The following VPS33B variants were observed in gnomAD, a reference collection of about 807,000 sequenced individuals.
VPS33B encodes VPS33B late endosome and lysosome associated.
A neutral mutation model predicts 95.3 loss-of-function variants in VPS33B; 80 were observed. That is an observed-to-expected ratio of 0.84 (90% confidence interval 0.70 to 1.01). The LOEUF (loss-of-function observed/expected upper bound fraction) is 1.01, where lower values mean the gene tolerates loss of function less well. VPS33B is among the 50% of genes least tolerant of loss of function. The pLI is 0.00. For synonymous variants in VPS33B, 280 were observed against 280.4 expected, an observed-to-expected ratio of 1.00 and a Z score of 0.01; for missense variants, 715 against 773.4, an observed-to-expected ratio of 0.92 and a Z score of 0.90.
Position 91,014,448 on chromosome 15 carries a change from G to GA in VPS33B, c.240-16dup, listed in dbSNP as rs574123922. ...AGAAGCACAATCTATGAGAGAGAAA[G>GA]AAAAAAAAACAGTGAAGAAGAATTA... On this transcript the variant is annotated splice_polypyrimidine_tract_variant and intron_variant, in intron 3 of 22. Transcript: ENST00000333371. 9.5e-4 allele frequency: 1,458 copies of GA among 1,532,324 alleles called. No homozygotes were observed. Among genetic ancestry groups the GA allele is most frequent in the African/African-American group, 1.1e-3 (75 of 71,104 alleles). 94.9% of individuals were successfully genotyped at this position (1,532,324 alleles called of 1,614,324 possible).
Position 90,999,549 on chromosome 15 carries a change from C to A in VPS33B, c.1774+128G>T. 1.0e-6 allele frequency: 1 copy of A among 958,988 alleles called. No homozygotes were observed. The highest frequency in any genetic ancestry group is 1.7e-6 in the Non-Finnish European group (1 of 597,196). 59.4% of individuals were successfully genotyped at this position (958,988 alleles called of 1,614,324 possible). A position where few individuals can be genotyped will look rare whatever the true frequency, so the allele number is the denominator to read the frequency against. ...GGTCAGGCTAGGCTCTAACTCCTGA[C>A]CTCAGGTGATCTGCCCGCCTCCGCC... On this transcript the variant is annotated intron_variant, in intron 22 of 22. Transcript: ENST00000333371. This position sits in a 1 kb window ranked among gnomAD's most constrained non-coding sequence, Gnocchi z 5.1.
At chr15:91,012,413 A>G (rs2040808474) in intron 5 of VPS33B, among the ~76,000 whole-genome samples, 3 of 152,292 alleles carry the variant, frequency 2.0e-5, no homozygotes, top group African/African-American at 7.2e-5. Flanking sequence ...GATAAGTACT[A>G]TTATCAACTC....
Position 91,005,191 on chromosome 15 carries a change from TG to T in VPS33B, c.1106-73del. On this transcript the variant is annotated intron_variant, in intron 14 of 22. Transcript: ENST00000333371. The surrounding 1 kb of genome is among the most constrained non-coding windows in gnomAD (Gnocchi z 6.4). ...GCTGCCATCTATGCTAACAGGTGTC[TG>T]TCTCCCCATCTCTTTCTCCATCCTT... 1 of 1,613,490 alleles carries T rather than the reference TG, an allele frequency of 6.2e-7. No homozygotes were observed.
In VPS33B at chr15:91,007,859, T is replaced by A; in HGVS notation, c.498+11A>T. 6.2e-7 allele frequency: 1 copy of A among 1,613,602 alleles called. No individual in the cohort carries two copies. The highest frequency in any genetic ancestry group is 8.5e-7 in the Non-Finnish European group (1 of 1,179,518). Reference sequence around the variant, plus strand: ...CCCCTGATGCCAAGACACAAGGGCCTCTGCATTTACCAGAAAGTAATCCCT... The same window carrying A: ...CCCCTGATGCCAAGACACAAGGGCCACTGCATTTACCAGAAAGTAATCCCT... On this transcript the variant is annotated intron_variant, in intron 7 of 22. Transcript: ENST00000333371. This position sits in a 1 kb window ranked among gnomAD's most constrained non-coding sequence, Gnocchi z 5.3.
chr15:91,001,575 A>C (rs1457087495), intron 18 of VPS33B, 113 bp from the exon 19 acceptor site: 3 of 887,190 alleles, frequency 3.4e-6, no homozygotes, highest in Non-Finnish European at 3.8e-6. Context: ...AACTCTCGGA[A>C]GCTGTTCAAC....
At position 91,006,342 on chromosome 15, in the gene VPS33B, T is replaced by C; in HGVS notation, c.852+30A>G. ...GCCTGGTATAAGCAGTGGCCCTAGG[T>C]GGGCCCATTGCTAGCACCCACACCC... On this transcript the variant is annotated intron_variant, in intron 11 of 22. Coordinates refer to ENST00000333371, the MANE Select transcript of VPS33B (RefSeq NM_018668.5). This position sits in a 1 kb window ranked among gnomAD's most constrained non-coding sequence, Gnocchi z 5.4. 2 of 1,613,308 alleles carry C rather than the reference T, an allele frequency of 1.2e-6. No homozygotes were observed. The highest frequency in any genetic ancestry group is 1.7e-6 in the Non-Finnish European group (2 of 1,179,602).
At chr15:91,001,554 T>C (rs2151664559) in intron 18 of VPS33B, 92 bp from the exon 19 acceptor site, 1 of 1,063,480 alleles carries the variant, frequency 9.4e-7, no homozygotes, top group Middle Eastern at 2.0e-4. Context: ...ACAGCACCAA[T>C]CACATCCAAA....
Position 91,005,339 on chromosome 15 carries a change from T to C in VPS33B, c.1105+41A>G, listed in dbSNP as rs1247969106. 1.9e-6 allele frequency: 3 copies of C among 1,613,910 alleles called. No individual in the cohort carries two copies. The highest frequency in any genetic ancestry group is 3.3e-5 in the Admixed American group (2 of 59,992). On this transcript the variant is annotated intron_variant, in intron 14 of 22. Coordinates refer to ENST00000333371, the MANE Select transcript of VPS33B (RefSeq NM_018668.5). This position sits in a 1 kb window ranked among gnomAD's most constrained non-coding sequence, Gnocchi z 6.4. The stretch of plus-strand genomic sequence containing the variant: ...GGGACGGGGCTGGGAGCTGGGGAAG[T>C]AGAAGCGTGGGCAGTAGCACAGCAA...
At chr15:91,003,458 G>T (rs1359443082) in intron 16 of VPS33B, among the ~76,000 whole-genome samples, 1 of 151,632 alleles carries the variant, frequency 6.6e-6, no homozygotes, top group Non-Finnish European at 1.5e-5. Flanking sequence ...TATTTATTTA[G>T]AGATGGAGTC....
In VPS33B at chr15:91,007,420, AC is replaced by A. The variant is rs1192265772; in HGVS notation, c.603+48del. 1.3e-6 allele frequency: 2 copies of A among 1,569,520 alleles called. No individual in the cohort carries two copies. The highest frequency in any genetic ancestry group is 2.7e-5 in the African/African-American group (2 of 73,956). ...TTGGATAACCCCAGGAGGGTACAGA[AC>A]AGGGAAAACAGCGTCTGCTGGGACA... On this transcript the variant is annotated intron_variant, in intron 8 of 22. Coordinates refer to ENST00000333371, the MANE Select transcript of VPS33B (RefSeq NM_018668.5). The surrounding 1 kb of genome is among the most constrained non-coding windows in gnomAD (Gnocchi z 5.3).
Position 91,002,797 on chromosome 15 carries a change from G to A in VPS33B, c.1272+288C>T, listed in dbSNP as rs2040481562. On this transcript the variant is annotated intron_variant, in intron 17 of 22. Transcript: ENST00000333371. This position sits in a 1 kb window ranked among gnomAD's most constrained non-coding sequence, Gnocchi z 4.7. ...AAGCTGAATCAATGCCTCACACGGT[G>A]CTAAAATGAGGGAGACTCCCAGGAG... Among the ~76,000 whole-genome samples the A allele has an allele frequency of 6.6e-6, 1 of 152,086 alleles. No homozygotes were observed. Among genetic ancestry groups the A allele is most frequent in the African/African-American group, 2.4e-5 (1 of 41,412 alleles).
intron 16 of VPS33B, among the ~76,000 whole-genome samples, chr15:91,004,073 A>C (rs894500102): frequency 6.6e-6 from 1 of 151,980 alleles, no homozygotes; most frequent in Non-Finnish European, 1.5e-5. Context: ...AAAATACAAA[A>C]ATTAGCTGGG....
At chr15:91,020,630 C>T (rs148744549) in intron 1 of VPS33B, among the ~76,000 whole-genome samples, 5 of 152,286 alleles carry the variant, frequency 3.3e-5, no homozygotes, top group African/African-American at 1.2e-4. Context: ...CCTATAATCC[C>T]AGCACTTTGG....
chr15:91,022,576 C>A lies in VPS33B; in HGVS notation c.-327G>T. 4 of 215,716 alleles carry A rather than the reference C, an allele frequency of 1.9e-5. No individual in the cohort carries two copies. Among genetic ancestry groups the A allele is most frequent in the East Asian group, 9.1e-5 (1 of 10,958 alleles). 13.4% of individuals were successfully genotyped at this position (215,716 alleles called of 1,614,324 possible). A position where few individuals can be genotyped will look rare whatever the true frequency, so the allele number is the denominator to read the frequency against. On this transcript the variant is annotated 5_prime_UTR_variant, in exon 1 of 23. Transcript: ENST00000333371. ...GTACGAGGAGAACCCCGCCTTCTAC[C>A]AGAAAAAGAAGCGACTTCCTAGATC...
rs2040737209 is a variant in VPS33B, at chr15:91,009,985, C to A, written c.358-139G>T. On this transcript the variant is annotated intron_variant, in intron 5 of 22. Transcript: ENST00000333371. This position sits in a 1 kb window ranked among gnomAD's most constrained non-coding sequence, Gnocchi z 4.1. ...ACAAGAGAACCCAGACTCTTAAGAT[C>A]TAGAAAGAACCATTAGAATCATTCA... 3 of 895,368 alleles carry A rather than the reference C, an allele frequency of 3.4e-6. No homozygotes were observed. The highest frequency in any genetic ancestry group is 5.5e-6 in the Non-Finnish European group (3 of 550,268). The allele number at this position is 895,368 out of a possible 1,614,324, so 55.5% of individuals were successfully genotyped here.
intron 1 of VPS33B, among the ~76,000 whole-genome samples, chr15:91,019,848 C>T (rs1342270349): frequency 1.3e-5 from 2 of 151,920 alleles, no homozygotes; most frequent in African/African-American, 2.4e-5. Context: ...TTTTGTTGCC[C>T]AGGCTGGAGT....
At position 91,017,774 on chromosome 15, in the gene VPS33B, G is replaced by A. The variant is rs750150299; in HGVS notation, c.177+31C>T. 6 of 1,607,282 alleles carry A rather than the reference G, an allele frequency of 3.7e-6. No individual in the cohort carries two copies. The African/African-American group carries it at 6.7e-5, about 18-fold the overall frequency. On this transcript the variant is annotated intron_variant, in intron 2 of 22. Transcript: ENST00000333371. ...ATCAAAAGAAAAACTGCTTAAAGAGGGGCATGGCCCCCAGGGGAAAGGGAC... is the reference window on the plus strand; with the variant it reads ...ATCAAAAGAAAAACTGCTTAAAGAGAGGCATGGCCCCCAGGGGAAAGGGAC...
At chr15:91,001,978 T>G in intron 18 of VPS33B, 72 bp downstream of exon 18, 2 of 1,610,006 alleles carry the variant, frequency 1.2e-6, no homozygotes, top group Non-Finnish European at 1.7e-6. Flanking sequence ...ATTCTGTCCC[T>G]CCCAGCATGC....
At position 91,006,145 on chromosome 15, in the gene VPS33B, T is replaced by G; in HGVS notation, c.853-86A>C. 1 of 1,490,736 alleles carries G rather than the reference T, an allele frequency of 6.7e-7. No homozygotes were observed. The highest frequency in any genetic ancestry group is 9.3e-7 in the Non-Finnish European group (1 of 1,076,896). The allele number at this position is 1,490,736 out of a possible 1,614,324, so 92.3% of individuals were successfully genotyped here. The stretch of plus-strand genomic sequence containing the variant: ...TGACAGTACAGGAAGGGTACTCAGG[T>G]GTTCTGGCAGAAATACAAAGAAAGC... On this transcript the variant is annotated intron_variant, in intron 11 of 22. Coordinates refer to ENST00000333371, the MANE Select transcript of VPS33B (RefSeq NM_018668.5). The surrounding 1 kb of genome is among the most constrained non-coding windows in gnomAD (Gnocchi z 5.4).
Sources: allele counts gnomAD v4.1 joint callset (sites outside exome capture counted in the v4.1 genomes callset), GRCh38; gene constraint gnomAD v4.1.1; non-coding constraint Gnocchi (gnomAD v3.1); transcripts MANE v1.5; gene names NCBI Gene and HGNC (gene_info 2026-07-23, HGNC 2026-07-21).